MAN1B1: variants seen among roughly 807,000 people sequenced by gnomAD.
MAN1B1 encodes the protein endoplasmic reticulum mannosyl-oligosaccharide 1,2-alpha-mannosidase.
A neutral mutation model predicts 75.5 loss-of-function variants in MAN1B1; 66 were observed. The observed-to-expected ratio is 0.87, with a 90% confidence interval of 0.72 to 1.07. The LOEUF is 1.07. MAN1B1 is among the 50% of genes least tolerant of loss of function. MAN1B1 has a pLI of 0.00. For missense variants in MAN1B1, 973 were observed against 912.5 expected (o/e 1.07, Z -0.85); for synonymous variants, 453 against 382.8 (o/e 1.18, Z -2.14).
Position 137,087,036 on chromosome 9 carries a change from G to T in MAN1B1, c.37G>T (p.Gly13Cys). The T allele has an allele frequency of 1.2e-6, 2 of 1,603,396 alleles. No individual in the cohort carries two copies. ...ACEGRRSGAL[G>C]SSQSDFLTPP... ...CGAGGGCAGGAGAAGCGGAGCTCTC[G>T]GTTCCTCTCAGTCGGACTTCCTGAC... Residue 13 changes from glycine to cysteine, a missense_variant, in exon 1 of 13, where the codon GGT (glycine) becomes TGT (cysteine). Gly to Cys is a radical substitution (Grantham distance 159). Transcript: ENST00000371589.
intron 7 of MAN1B1, 123 bp from the exon 8 acceptor site, chr9:137,101,361 C>T (rs139492183): frequency 1.9e-5 from 21 of 1,125,668 alleles, no homozygotes; most frequent in South Asian, 2.5e-5. Context: ...GAGTGATGCC[C>T]GTTTCCTTGC....
At position 137,108,959 on chromosome 9, in the gene MAN1B1, G is replaced by A. The variant is rs774337844; in HGVS notation, c.*368G>A. On this transcript the variant is annotated 3_prime_UTR_variant, in exon 13 of 13. Coordinates refer to ENST00000371589, the MANE Select transcript of MAN1B1 (RefSeq NM_016219.5). Reference sequence around the variant, plus strand: ...CAGCCCAGGGTGCAGCTCTGCCCGGGCTCGTGAAGCCTCAGATGTCCCCAA... The same window carrying A: ...CAGCCCAGGGTGCAGCTCTGCCCGGACTCGTGAAGCCTCAGATGTCCCCAA... 3 of 474,848 alleles carry A rather than the reference G, an allele frequency of 6.3e-6. No homozygotes were observed. The highest frequency in any genetic ancestry group is 4.6e-5 in the Admixed American group (2 of 43,078). 29.4% of individuals were successfully genotyped at this position (474,848 alleles called of 1,614,324 possible).
chr9:137,101,291 C>G, intron 7 of MAN1B1, 138 bp downstream of exon 7: 2 of 1,247,362 alleles, frequency 1.6e-6, no homozygotes, highest in Non-Finnish European at 2.3e-6. Flanking sequence ...AGCTCATATT[C>G]GTGAGCTGAT....
intron 8 of MAN1B1, chr9:137,102,995 C>A: frequency 2.4e-6 from 1 of 423,786 alleles, no homozygotes; most frequent in South Asian, 1.6e-5. Flanking sequence ...GGTGGTCTTA[C>A]ATTCATACTG....
At chr9:137,087,808 G>C (rs560716765) in intron 1 of MAN1B1, among the ~76,000 whole-genome samples, 16 of 152,292 alleles carry the variant, frequency 1.1e-4, no homozygotes, top group African/African-American at 3.8e-4. Context: ...TATTGTCCCA[G>C]CAATGTTCCT....
At chr9:137,098,101 G>A (rs1830707138) in intron 5 of MAN1B1, among the ~76,000 whole-genome samples, 164 bp downstream of exon 5, 2 of 152,218 alleles carry the variant, frequency 1.3e-5, no homozygotes, top group African/African-American at 4.8e-5. Context: ...TGCAACCTTG[G>A]TGACACCATG....
chr9:137,101,142 C>A lies in MAN1B1; in HGVS notation c.1054C>A (p.Leu352Met). 1 of 1,613,948 alleles carries A rather than the reference C, an allele frequency of 6.2e-7. No individual in the cohort carries two copies. Among genetic ancestry groups the A allele is most frequent in the Non-Finnish European group, 8.5e-7 (1 of 1,180,038 alleles). ...AYHLSGDSLFLRKAEDFGNRL... is the reference protein window; with the variant it reads ...AYHLSGDSLFMRKAEDFGNRL... ...CCACCTGTCTGGGGACAGCCTCTTC[C>A]TGAGGAAAGCTGTAAGTGTCTTGGG... Residue 352 changes from leucine (L) to methionine (M), a missense_variant, in exon 7 of 13, where the codon CTG becomes ATG. Coordinates refer to ENST00000371589, the MANE Select transcript of MAN1B1 (RefSeq NM_016219.5).
At chr9:137,099,638 A>T (rs1588598404) in intron 5 of MAN1B1, 58 bp from the exon 6 acceptor site, 1 of 1,569,958 alleles carries the variant, frequency 6.4e-7, no homozygotes, top group East Asian at 2.2e-5. Flanking sequence ...GAGGGTGTCC[A>T]TCTGTGCCGA....
rs749855827 is a variant in MAN1B1 at position 137,106,140 on chromosome 9, G to T, written c.1270G>T (p.Val424Leu). 1.2e-6 allele frequency: 2 copies of T among 1,612,880 alleles called. No individual in the cohort carries two copies. The highest frequency in any genetic ancestry group is 2.7e-5 in the African/African-American group (2 of 74,938). ...TCTGCCGCAGGAGGCAGTGGAGAAG[G>T]TGACACAGCACATCCACGGCCTGTC... ...DKKFQEAVEKVTQHIHGLSGK... is the reference protein window; with the variant it reads ...DKKFQEAVEKLTQHIHGLSGK... Residue 424 changes from valine (V) to leucine (L), a missense_variant, in exon 9 of 13, where the codon GTG becomes TTG. Transcript: ENST00000371589.
chr9:137,107,054 C>T (rs561656516), intron 10 of MAN1B1, 196 bp from the exon 11 acceptor site: 17 of 757,612 alleles, frequency 2.2e-5, no homozygotes, highest in Non-Finnish European at 2.7e-5. Flanking sequence ...AGCAGGTCCT[C>T]GGGCGGTGTG....
Position 137,096,278 on chromosome 9 carries a change from G to C in MAN1B1, c.507G>C (p.Gln169His). 6.2e-7 allele frequency: 1 copy of C among 1,614,146 alleles called. No homozygotes were observed. Residue 169 changes from glutamine (Q) to histidine (H), a missense_variant, in exon 4 of 13, where the codon CAG becomes CAC. By Grantham distance (24) the Gln-to-His change is conservative (BLOSUM62 0). Transcript: ENST00000371589. Reference sequence around the variant, plus strand: ...TCCAGCGGGGACCACCTCACCTGCAGATTAGACCCCCAAGCCAAGACCTGA... The same window carrying C: ...TCCAGCGGGGACCACCTCACCTGCACATTAGACCCCCAAGCCAAGACCTGA... The part of the protein sequence containing the change: ...RHIQRGPPHL[Q>H]IRPPSQDLKD...
rs763744643 is a variant in MAN1B1 at position 137,088,971 on chromosome 9, C to T, written c.431C>T (p.Thr144Ile). The T allele has an allele frequency of 2.5e-6, 4 of 1,613,900 alleles. No individual in the cohort carries two copies. The highest frequency in any genetic ancestry group is 2.7e-5 in the African/African-American group (2 of 74,922). Residue 144 changes from threonine (T) to isoleucine (I), a missense_variant, in exon 3 of 13, where the codon ACC (threonine) becomes ATC (isoleucine). By Grantham distance (89) the Thr-to-Ile change is moderately conservative (BLOSUM62 -1). Coordinates refer to ENST00000371589, the MANE Select transcript of MAN1B1 (RefSeq NM_016219.5). ...PVLPAPQKAD[T>I]DPENLPEISS... ...TTACCAGCTCCTCAGAAGGCGGACACCGACCCTGAGAACTTACCTGAGATT... is the reference window on the plus strand; with the variant it reads ...TTACCAGCTCCTCAGAAGGCGGACATCGACCCTGAGAACTTACCTGAGATT...
chr9:137,099,247 G>A (rs151141900), intron 5 of MAN1B1, among the ~76,000 whole-genome samples: 275 of 152,380 alleles, frequency 1.8e-3, no homozygotes, highest in Non-Finnish European at 2.5e-3. Context: ...GATGTTCATC[G>A]CGAGGTCTGC....
rs372125925 is a variant in MAN1B1 at position 137,107,378 on chromosome 9, G to A, written c.1695G>A (p.Thr565=). 4.5e-5 allele frequency: 73 copies of A among 1,613,298 alleles called. No individual in the cohort carries two copies. In the East Asian group the frequency reaches 1.1e-3, roughly 24 times the overall value. The change falls in exon 11 of 13, where the codon ACG becomes ACA. Residue 565 remains threonine (T), a synonymous_variant. Transcript: ENST00000371589. ...ACCAGATGAACCGGCAGATGGAGAC[G>A]GGGCTGAGTCCCGAGATCGTGCACT... ...TCYQMNRQME[T]GLSPEIVHFN...
At position 137,101,590 on chromosome 9, in the gene MAN1B1, C is replaced by A. The variant is rs773140788; in HGVS notation, c.1172C>A (p.Ser391Tyr). ...GTTGCCCACCCGCCACGGTGGACCT[C>A]CGACAGCACTGTGGCCGAGGTGACC... ...TGVAHPPRWT[S>Y]DSTVAEVTSI... Residue 391 changes from serine (S) to tyrosine (Y), a missense_variant, in exon 8 of 13, where the codon TCC becomes TAC. Physicochemically the swap from Ser to Tyr is moderately radical, Grantham distance 144 (BLOSUM62 -2). Transcript: ENST00000371589. 2.5e-6 allele frequency: 4 copies of A among 1,613,888 alleles called. No individual in the cohort carries two copies. Among genetic ancestry groups the A allele is most frequent in the Non-Finnish European group, 3.4e-6 (4 of 1,180,040 alleles).
chr9:137,108,470 TC>T lies in MAN1B1; in HGVS notation c.1981del (p.Leu661TrpfsTer67). ...PEPRDKMESF[F>X]LGETLKYLFL... ...CCTAGGGACAAGATGGAGAGCTTCTTCCTGGGGGAGACGCTCAAGTATCTGT... is the reference window on the plus strand; with the variant it reads ...CCTAGGGACAAGATGGAGAGCTTCTTCTGGGGGAGACGCTCAAGTATCTGT... On this transcript the variant is annotated frameshift_variant, in exon 13 of 13. Transcript: ENST00000371589. LOFTEE classifies it high-confidence loss of function. 6.2e-7 allele frequency: 1 copy of T among 1,613,918 alleles called. No individual in the cohort carries two copies. Among genetic ancestry groups the T allele is most frequent in the Non-Finnish European group, 8.5e-7 (1 of 1,179,970 alleles).
chr9:137,092,227 A>G (rs914551917), intron 3 of MAN1B1, among the ~76,000 whole-genome samples: 3 of 151,762 alleles, frequency 2.0e-5, no homozygotes, highest in Non-Finnish European at 4.4e-5. Flanking sequence ...GCCAGGCACG[A>G]CATGCCTATA....
At chr9:137,106,047 A>G in intron 8 of MAN1B1, 78 bp from the exon 9 acceptor site, 1 of 1,150,526 alleles carries the variant, frequency 8.7e-7, no homozygotes. Flanking sequence ...GGGGAGGCAG[A>G]GCTCACAGAG....
At position 137,102,420 on chromosome 9, in the gene MAN1B1, TTGG is replaced by T. The variant is rs867044750; in HGVS notation, c.1254+754_1254+756del. On this transcript the variant is annotated intron_variant, in intron 8 of 12. Transcript: ENST00000371589. ...ACACACGCTGTTGCAGGCGTGCAGG[TTGG>T]TGGTGTTACATTCACACTGTTGCAG... The T allele has an allele frequency of 8.8e-3, 3,778 of 431,046 alleles. 49 individuals are homozygous for T. The highest frequency in any genetic ancestry group is 0.012 in the Non-Finnish European group (2,630 of 219,702). 26.7% of individuals were successfully genotyped at this position (431,046 alleles called of 1,614,324 possible).
Sources: gnomAD v4.1 joint callset for allele counts (sites outside exome capture counted in the v4.1 genomes callset) on GRCh38, gnomAD v4.1.1 for gene constraint, MANE v1.5 for transcripts, NCBI Gene and HGNC (gene_info 2026-07-23, HGNC 2026-07-21) for gene names.